The following DGLUCY variants were observed in gnomAD, a reference collection of about 807,000 sequenced individuals.
DGLUCY encodes the protein D-glutamate cyclase.
Under a neutral mutation model 58.5 loss-of-function variants are expected in DGLUCY, and 58 were observed. The ratio of observed to expected loss-of-function variants is 0.99; its 90% CI spans 0.80 to 1.23. The LOEUF is 1.23. Among genes scored for constraint, DGLUCY ranks in the 50% most tolerant of loss-of-function variants. The pLI is 0.00. For synonymous variants in DGLUCY, 325 were observed against 314.1 expected (o/e 1.03, Z -0.37); for missense variants, 779 against 784.7 (o/e 0.99, Z 0.09).
intron 1 of DGLUCY, among the ~76,000 whole-genome samples, chr14:91,089,181 G>A (rs774027154): frequency 2.0e-5 from 3 of 152,236 alleles, no homozygotes; most frequent in Non-Finnish European, 4.4e-5. Context: ...GGGACAGTAA[G>A]TTTCTTCCTG....
chr14:91,185,120 C>T (rs1177159373), intron 8 of DGLUCY, among the ~76,000 whole-genome samples: 1 of 151,980 alleles, frequency 6.6e-6, no homozygotes, highest in African/African-American at 2.4e-5. Context: ...AGGCATGTGC[C>T]ACCATGTCTG....
rs542598246 is a variant in DGLUCY at position 91,069,606 on chromosome 14, T to A, written c.-82+8902T>A. Among the ~76,000 whole-genome samples, 5 of 151,798 alleles carry A rather than the reference T, an allele frequency of 3.3e-5. No individual in the cohort carries two copies. In the South Asian group the frequency reaches 1.0e-3, roughly 32 times the overall value. On this transcript the variant is annotated intron_variant, in intron 1 of 4. Coordinates refer to the DGLUCY transcript ENST00000521334. ...CATTGCATTTATTTTAATATTTACT[T>A]TCTATTTATGGCAAGTGATACTTTC...
At chr14:91,110,086 T>G (rs1364135891), upstream of DGLUCY, among the ~76,000 whole-genome samples, 1 of 152,248 alleles carries the variant, frequency 6.6e-6, no homozygotes, top group African/African-American at 2.4e-5. Flanking sequence ...AGCTAAGCAA[T>G]TGCAAACAAT....
intron 1 of DGLUCY, among the ~76,000 whole-genome samples, chr14:91,136,833 G>A (rs2046366952): frequency 6.6e-6 from 1 of 152,102 alleles, no homozygotes; most frequent in African/African-American, 2.4e-5. Context: ...GTCAGGCGTG[G>A]TGGTACATGC....
intron 12 of DGLUCY, among the ~76,000 whole-genome samples, chr14:91,208,836 G>T (rs1447483950): frequency 6.6e-6 from 1 of 152,186 alleles, no homozygotes; most frequent in East Asian, 1.9e-4. Flanking sequence ...TAAGTTGCTT[G>T]TGCTACCCAT....
chr14:91,221,571 AATAG>A (rs1270781763), intron 13 of DGLUCY, among the ~76,000 whole-genome samples: 2 of 150,408 alleles, frequency 1.3e-5, no homozygotes, highest in Non-Finnish European at 1.5e-5. Context: ...ATGGATGGAT[AATAG>A]ATGGATGCAT....
chr14:91,151,368 T>C (rs1022222747), intron 1 of DGLUCY, among the ~76,000 whole-genome samples: 7 of 151,926 alleles, frequency 4.6e-5, no homozygotes, highest in Non-Finnish European at 7.4e-5. Flanking sequence ...GCCTCCCAAG[T>C]AGCTGGGACT....
intron 1 of DGLUCY, among the ~76,000 whole-genome samples, chr14:91,068,115 A>ACACACACACC (rs1236523220): frequency 2.1e-4 from 30 of 140,248 alleles, no homozygotes; most frequent in Middle Eastern, 3.7e-3. Flanking sequence ...ACACACACAC[A>ACACACACACC]CCCCTTGCAT....
chr14:91,090,497 A>G (rs989518327), intron 1 of DGLUCY, among the ~76,000 whole-genome samples: 2 of 152,092 alleles, frequency 1.3e-5, no homozygotes, highest in African/African-American at 4.8e-5. Context: ...CTGGGCTGAA[A>G]ACAACAGGGA....
upstream of DGLUCY, among the ~76,000 whole-genome samples, chr14:91,107,481 G>A (rs1054375224): frequency 1.3e-5 from 2 of 151,966 alleles, no homozygotes; most frequent in Admixed American, 6.6e-5. Flanking sequence ...TCGCGCCACT[G>A]CACTCCAGCC....
At chr14:91,087,809 T>A (rs949194053) in intron 1 of DGLUCY, among the ~76,000 whole-genome samples, 1 of 152,226 alleles carries the variant, frequency 6.6e-6, no homozygotes, top group Non-Finnish European at 1.5e-5. Context: ...GTGACAAAAC[T>A]ACTGGCAAGT....
chr14:91,191,403 T>C (rs987266533), intron 9 of DGLUCY, among the ~76,000 whole-genome samples: 4 of 152,104 alleles, frequency 2.6e-5, no homozygotes, highest in African/African-American at 7.2e-5. Flanking sequence ...ATGTGAAATA[T>C]TTTATGCTAC....
At chr14:91,136,223 G>A (rs1427491917) in intron 1 of DGLUCY, among the ~76,000 whole-genome samples, 1 of 151,428 alleles carries the variant, frequency 6.6e-6, no homozygotes, top group Admixed American at 6.6e-5. Context: ...TTGAGCCACC[G>A]AGCCCGGCCA....
chr14:91,141,863 T>G (rs1050474122), intron 1 of DGLUCY, among the ~76,000 whole-genome samples: 3 of 150,694 alleles, frequency 2.0e-5, no homozygotes, highest in Non-Finnish European at 3.0e-5. Context: ...TTTTTTTTTT[T>G]CAGACAGAGT....
At chr14:91,074,112 T>TACACAC (rs1397235461) in intron 1 of DGLUCY, among the ~76,000 whole-genome samples, 29 of 60,694 alleles carry the variant, frequency 4.8e-4, no homozygotes, top group African/African-American at 1.2e-3. Context: ...AAAATATATA[T>TACACAC]ATATATACAC....
chr14:91,094,641 G>A (rs2044366081), intron 1 of DGLUCY, among the ~76,000 whole-genome samples: 1 of 151,842 alleles, frequency 6.6e-6, no homozygotes, highest in South Asian at 2.1e-4. Context: ...TGGCCAACAT[G>A]GTGAAACCCC....
chr14:91,153,151 C>T (rs1009538338), intron 1 of DGLUCY, among the ~76,000 whole-genome samples: 1 of 152,132 alleles, frequency 6.6e-6, no homozygotes, highest in Non-Finnish European at 1.5e-5. Context: ...GAGCCACATG[C>T]TCTGCCCATC....
chr14:91,142,405 T>C (rs2046751173), intron 1 of DGLUCY, among the ~76,000 whole-genome samples: 1 of 152,134 alleles, frequency 6.6e-6, no homozygotes. Context: ...ATTAGAAAGA[T>C]GAAACTCTTT....
intron 1 of DGLUCY, among the ~76,000 whole-genome samples, chr14:91,121,527 A>G (rs761112422): frequency 2.0e-5 from 3 of 151,760 alleles, no homozygotes; most frequent in Non-Finnish European, 4.4e-5. Context: ...TATCTCTACT[A>G]AAAATACAAA....
Sources: gnomAD v4.1 joint callset for allele counts (sites outside exome capture counted in the v4.1 genomes callset) on GRCh38, gnomAD v4.1.1 for gene constraint, MANE v1.5 for transcripts, NCBI Gene and HGNC (gene_info 2026-07-23, HGNC 2026-07-21) for gene names.